Variants in FAM13C observed in about 807,000 individuals in gnomAD.
FAM13C encodes the protein protein FAM13C.
A neutral mutation model predicts 73.2 loss-of-function variants in FAM13C; 37 were observed. The ratio of observed to expected loss-of-function variants is 0.51; its 90% CI spans 0.39 to 0.67. The LOEUF (loss-of-function observed/expected upper bound fraction) is 0.67. Ranked by LOEUF, FAM13C falls within the 30% of genes least tolerant of loss-of-function variation. The pLI is 0.00. For synonymous variants in FAM13C, 246 were observed against 260.9 expected (o/e 0.94, Z 0.55); for missense variants, 589 against 715.6 (o/e 0.82, Z 2.02).
In FAM13C at chr10:59,352,446, C is replaced by G. The variant is rs749650675; in HGVS notation, c.148G>C (p.Asp50His). 6.2e-7 allele frequency: 1 copy of G among 1,611,958 alleles called. No individual in the cohort carries two copies. The highest frequency in any genetic ancestry group is 1.7e-5 in the Admixed American group (1 of 59,678). ...RDENNKENYPDAGALVEEHAP... is the reference protein window; with the variant it reads ...RDENNKENYPHAGALVEEHAP... Reference sequence around the variant, plus strand: ...TGCTCTTCTACCAGAGCCCCTGCGTCGGGGTAGTTCTCTTTATTGTTTTCA... The same window carrying G: ...TGCTCTTCTACCAGAGCCCCTGCGTGGGGGTAGTTCTCTTTATTGTTTTCA... The change falls in exon 3 of 14, where the codon GAC (aspartate) becomes CAC (histidine). Residue 50 changes from aspartate to histidine, a missense_variant. By Grantham distance (81) the Asp-to-His change is moderately conservative (BLOSUM62 -1). Transcript: ENST00000618804.
At chr10:59,340,878 C>G (rs1049380597) in intron 3 of FAM13C, among the ~76,000 whole-genome samples, 8 of 151,572 alleles carry the variant, frequency 5.3e-5, no homozygotes, top group Non-Finnish European at 1.2e-4. Flanking sequence ...TAAACTAGTT[C>G]AGGCTTTTGT....
intron 8 of FAM13C, among the ~76,000 whole-genome samples, chr10:59,266,285 G>A (rs1397907955): frequency 9.2e-5 from 14 of 152,278 alleles, no homozygotes; most frequent in Middle Eastern, 3.4e-3. Context: ...TGCAAAATCA[G>A]ATGTAGAGAT....
rs1183082578 is a variant in FAM13C, at chr10:59,274,238, A to T, written c.593-4129T>A. Among the ~76,000 whole-genome samples, 3 of 152,182 alleles carry T rather than the reference A, an allele frequency of 2.0e-5. No individual in the cohort carries two copies. In the South Asian group the frequency reaches 6.2e-4, roughly 31 times the overall value. ...GAAAACATGGATACATGATGGGTTCAGTTTTAGGTATGTCACATTTGAGTT... is the reference window on the plus strand; with the variant it reads ...GAAAACATGGATACATGATGGGTTCTGTTTTAGGTATGTCACATTTGAGTT... On this transcript the variant is annotated intron_variant, in intron 6 of 13. Transcript: ENST00000618804.
chr10:59,276,007 T>G (rs1844285594), intron 6 of FAM13C, among the ~76,000 whole-genome samples: 1 of 152,166 alleles, frequency 6.6e-6, no homozygotes, highest in South Asian at 2.1e-4. Context: ...CTTCATAGAT[T>G]ATGAAGATGG....
chr10:59,339,834 T>C (rs1297290708), intron 3 of FAM13C, among the ~76,000 whole-genome samples: 1 of 152,164 alleles, frequency 6.6e-6, no homozygotes, highest in Non-Finnish European at 1.5e-5. Flanking sequence ...GGTCCCAGCA[T>C]AGCATTAAAA....
At chr10:59,273,025 T>A (rs997982025) in intron 6 of FAM13C, among the ~76,000 whole-genome samples, 3 of 152,118 alleles carry the variant, frequency 2.0e-5, no homozygotes, top group Non-Finnish European at 4.4e-5. Context: ...GTAAATATGA[T>A]CTCTCTGAAA....
chr10:59,354,337 C>T (rs1433389160), intron 2 of FAM13C, among the ~76,000 whole-genome samples: 1 of 152,158 alleles, frequency 6.6e-6, no homozygotes, highest in African/African-American at 2.4e-5. Flanking sequence ...TTACAAAAGT[C>T]ATATTTAGAA....
At chr10:59,316,523 G>C (rs1248282093) in intron 4 of FAM13C, among the ~76,000 whole-genome samples, 1 of 152,078 alleles carries the variant, frequency 6.6e-6, no homozygotes, top group Admixed American at 6.6e-5. Flanking sequence ...TGCATCCTTA[G>C]GCTATTTCGT....
chr10:59,298,753 TA>T (rs2133835070), intron 5 of FAM13C, among the ~76,000 whole-genome samples: 1 of 152,342 alleles, frequency 6.6e-6, no homozygotes, highest in African/African-American at 2.4e-5. Context: ...GAGGAGGCCT[TA>T]ACCATGAGTT....
In FAM13C at chr10:59,302,805, T is replaced by C. The variant is rs1316488147; in HGVS notation, c.503A>G (p.Asn168Ser). 1.2e-6 allele frequency: 2 copies of C among 1,614,046 alleles called. No homozygotes were observed. The highest frequency in any genetic ancestry group is 1.7e-6 in the Non-Finnish European group (2 of 1,179,898). The change falls in exon 5 of 14, where the codon AAT becomes AGT. Residue 168 changes from asparagine (N) to serine (S), a missense_variant. Transcript: ENST00000618804. Reference protein sequence around the residue: ...KDAFETRQDLNEEEAAQVHGV... With the variant: ...KDAFETRQDLSEEEAAQVHGV... ...ACCAGTAATGATTGCACGTACCTCA[T>C]TTAAGTCCTGCCGAGTTTCAAAAGC...
intron 4 of FAM13C, among the ~76,000 whole-genome samples, chr10:59,313,452 C>A (rs1016317317): frequency 3.3e-5 from 5 of 152,176 alleles, no homozygotes; most frequent in Admixed American, 3.3e-4. Flanking sequence ...TGACCACTTT[C>A]TTGATCCCCA....
intron 6 of FAM13C, among the ~76,000 whole-genome samples, chr10:59,271,371 G>A (rs1173838526): frequency 1.3e-5 from 2 of 152,200 alleles, no homozygotes; most frequent in Non-Finnish European, 2.9e-5. Flanking sequence ...TCAAAGGCCT[G>A]ATTAGGTCCT....
Position 59,252,974 on chromosome 10 carries a change from C to G in FAM13C, c.1357G>C (p.Asp453His). Residue 453 changes from aspartate to histidine, a missense_variant, in exon 12 of 14, where the codon GAC becomes CAC. Asp to His is a moderately conservative substitution (Grantham distance 81). Coordinates refer to ENST00000618804, the MANE Select transcript of FAM13C (RefSeq NM_198215.4). ...TIQEEEDSDE[D>H]RPQGSQQPSL... ...GGTTGTTGGCTTCCCTGTGGACGGT[C>G]TTCATCAGAGTCCTCTTCCTCCTGC... The G allele has an allele frequency of 6.2e-7, 1 of 1,613,764 alleles. No individual in the cohort carries two copies. Among genetic ancestry groups the G allele is most frequent in the Non-Finnish European group, 8.5e-7 (1 of 1,179,958 alleles).
chr10:59,302,590 G>T (rs962945611), intron 5 of FAM13C, among the ~76,000 whole-genome samples: 4 of 152,120 alleles, frequency 2.6e-5, no homozygotes, highest in Non-Finnish European at 5.9e-5. Context: ...CCAAGACATC[G>T]CAAGCCACCT....
chr10:59,352,248 C>G (rs778702333), intron 3 of FAM13C, 22 bp downstream of exon 3: 3 of 1,612,358 alleles, frequency 1.9e-6, no homozygotes, highest in Non-Finnish European at 2.5e-6. Flanking sequence ...TTGGCAAAAG[C>G]CTGAGAAGAG....
At chr10:59,249,320 C>CGTGAACT (rs67179132) in intron 13 of FAM13C, among the ~76,000 whole-genome samples, 18 of 12,722 alleles carry the variant, frequency 1.4e-3, no homozygotes, top group Non-Finnish European at 8.0e-3. Flanking sequence ...AGGAGAATGG[C>CGTGAACT]GTGAACCCAG....
At chr10:59,359,183 A>G (rs1856085186) in intron 1 of FAM13C, among the ~76,000 whole-genome samples, 1 of 152,206 alleles carries the variant, frequency 6.6e-6, no homozygotes, top group African/African-American at 2.4e-5. Flanking sequence ...GAATGCTCCA[A>G]GGTAGGAATT....
intron 3 of FAM13C, among the ~76,000 whole-genome samples, chr10:59,333,935 A>C (rs1175244465): frequency 2.0e-5 from 3 of 152,228 alleles, no homozygotes; most frequent in Admixed American, 2.0e-4. Flanking sequence ...GAGCAAGTCC[A>C]ACTGTTCTGA....
rs112945761 is a variant in FAM13C, at chr10:59,270,953, C to A, written c.593-844G>T. 7.2e-3 allele frequency among the ~76,000 whole-genome samples: 1,100 copies of A among 152,270 alleles called. 12 individuals carry two copies. The highest frequency in any genetic ancestry group is 0.022 in the African/African-American group (915 of 41,538). ...AATCCCCTTTTAAGTTAGTTCCCCA[C>A]CTCACGGTCCTCCAGAAGGTAAGTA... On this transcript the variant is annotated intron_variant, in intron 6 of 13. Transcript: ENST00000618804.
Sources: gnomAD v4.1 joint callset for allele counts (sites outside exome capture counted in the v4.1 genomes callset) on GRCh38, gnomAD v4.1.1 for gene constraint, MANE v1.5 for transcripts, NCBI Gene and HGNC (gene_info 2026-07-23, HGNC 2026-07-21) for gene names.